The following CLIP1 variants were observed in gnomAD, a reference collection of about 807,000 sequenced individuals.
CLIP1 encodes CAP-Gly domain containing linker protein 1.
In CLIP1, 66 loss-of-function variants were observed where a neutral mutation model predicts 161.6. The ratio of observed to expected loss-of-function variants is 0.41; its 90% CI spans 0.33 to 0.50. The LOEUF is 0.50. Ranked by LOEUF, CLIP1 falls within the 20% of genes least tolerant of loss-of-function variation. CLIP1 has a pLI of 0.27. For synonymous variants in CLIP1, 598 were observed against 626.2 expected, an observed-to-expected ratio of 0.96 and a Z score of 0.67; for missense variants, 1,376 against 1,702.0, an observed-to-expected ratio of 0.81 and a Z score of 3.37.
chr12:122,289,814 T>TTC (rs1956025076), intron 20 of CLIP1, among the ~76,000 whole-genome samples: 3 of 151,246 alleles, frequency 2.0e-5, no homozygotes, highest in African/African-American at 7.3e-5. Flanking sequence ...TGTTTTTTTT[T>TTC]TTTTTTCTTT....
chr12:122,348,735 G>C (rs924686583), intron 9 of CLIP1, among the ~76,000 whole-genome samples: 3 of 152,014 alleles, frequency 2.0e-5, no homozygotes, highest in African/African-American at 4.8e-5. Flanking sequence ...TGTCAGTTAC[G>C]TGCAGTAATT....
intron 1 of CLIP1, among the ~76,000 whole-genome samples, chr12:122,397,017 G>A (rs1486797037): frequency 3.5e-5 from 5 of 142,968 alleles, no homozygotes; most frequent in South Asian, 2.2e-4. Context: ...GGGTGCAAGC[G>A]ATCCACCAAC....
chr12:122,352,849 CA>C (rs1414327154), intron 7 of CLIP1, 63 bp from the exon 8 acceptor site: 3 of 1,406,136 alleles, frequency 2.1e-6, no homozygotes, highest in Non-Finnish European at 3.0e-6. Flanking sequence ...TTTAAAAAAA[CA>C]AAACAAACAA....
intron 1 of CLIP1, among the ~76,000 whole-genome samples, chr12:122,413,754 A>C (rs1291328549): frequency 1.3e-5 from 2 of 152,184 alleles, no homozygotes. Flanking sequence ...AGATTTTGAA[A>C]GCATACTTTT....
chr12:122,319,707 T>C (rs1008603250), intron 17 of CLIP1, among the ~76,000 whole-genome samples: 3 of 152,230 alleles, frequency 2.0e-5, no homozygotes, highest in African/African-American at 7.2e-5. Flanking sequence ...AACATCCTTA[T>C]ATAGCTGAAT....
In CLIP1 at chr12:122,328,917, T is replaced by C. The variant is rs190001226; in HGVS notation, c.2868-491A>G. Among the ~76,000 whole-genome samples, 51 of 152,300 alleles carry C rather than the reference T, an allele frequency of 3.3e-4. No homozygotes were observed. In the East Asian group the frequency reaches 8.7e-3, roughly 26 times the overall value. On this transcript the variant is annotated intron_variant, in intron 15 of 25. Coordinates refer to ENST00000620786, the MANE Select transcript of CLIP1 (RefSeq NM_001247997.2). ...TAAAATGCTTTGCCTAAATAATCATTTTACCAGTTATGATAGTCACAAATA... is the reference window on the plus strand; with the variant it reads ...TAAAATGCTTTGCCTAAATAATCATCTTACCAGTTATGATAGTCACAAATA...
chr12:122,285,575 G>A (rs1447527058), intron 21 of CLIP1, among the ~76,000 whole-genome samples: 2 of 151,522 alleles, frequency 1.3e-5, no homozygotes, highest in Non-Finnish European at 2.9e-5. Flanking sequence ...CTGACCTCAA[G>A]TGATCCACCT....
rs1952104613 is a variant in CLIP1 at position 122,334,017 on chromosome 12, GTCT to G, written c.2710+7_2710+9del. The stretch of plus-strand genomic sequence containing the variant: ...TATTTAATGTTTAGTCACCAGAGAT[GTCT>G]TCTTACCTGCTAAGTTTTCTCTCAG... On this transcript the variant is annotated splice_region_variant and intron_variant, in intron 14 of 25. Transcript: ENST00000620786. The G allele has an allele frequency of 6.4e-7, 1 of 1,569,998 alleles. No individual in the cohort carries two copies. The highest frequency in any genetic ancestry group is 1.3e-5 in the African/African-American group (1 of 74,096).
intron 17 of CLIP1, among the ~76,000 whole-genome samples, chr12:122,325,717 C>G (rs1287534675): frequency 2.6e-5 from 4 of 152,064 alleles, no homozygotes; most frequent in Non-Finnish European, 5.9e-5. Context: ...GCAGTGGCAC[C>G]ATCTCAGCTC....
At position 122,278,212 on chromosome 12, in the gene CLIP1, T is replaced by C; in HGVS notation, c.3917-9A>G. ...CTGAGTGTCTGTATTACCTTATATTTGAGGAAAAAAAAAAAAAAACAAGTG... is the reference window on the plus strand; with the variant it reads ...CTGAGTGTCTGTATTACCTTATATTCGAGGAAAAAAAAAAAAAAACAAGTG... On this transcript the variant is annotated splice_polypyrimidine_tract_variant and intron_variant, in intron 23 of 25. Coordinates refer to ENST00000620786, the MANE Select transcript of CLIP1 (RefSeq NM_001247997.2). 1 of 1,479,124 alleles carries C rather than the reference T, an allele frequency of 6.8e-7. No individual in the cohort carries two copies. The highest frequency in any genetic ancestry group is 9.0e-7 in the Non-Finnish European group (1 of 1,116,802). 91.6% of individuals were successfully genotyped at this position (1,479,124 alleles called of 1,614,324 possible). A position where few individuals can be genotyped will look rare whatever the true frequency, so the allele number is the denominator to read the frequency against.
intron 20 of CLIP1, among the ~76,000 whole-genome samples, chr12:122,293,275 C>T (rs1320304967): frequency 6.6e-6 from 1 of 152,092 alleles, no homozygotes; most frequent in African/African-American, 2.4e-5. Flanking sequence ...TGAAACCACA[C>T]TGAGATACAC....
chr12:122,389,102 C>T (rs896398066), intron 1 of CLIP1, among the ~76,000 whole-genome samples: 2 of 152,184 alleles, frequency 1.3e-5, no homozygotes, highest in Non-Finnish European at 2.9e-5. Flanking sequence ...AGGGCAAACT[C>T]AGGCATTCAT....
intron 18 of CLIP1, among the ~76,000 whole-genome samples, chr12:122,318,860 C>T (rs527380776): frequency 3.9e-4 from 60 of 152,196 alleles, no homozygotes; most frequent in Non-Finnish European, 8.5e-4. Flanking sequence ...AAAAGGCCTA[C>T]ATCAGACTCA....
At chr12:122,294,328 CAAA>C (rs59785886) in intron 20 of CLIP1, among the ~76,000 whole-genome samples, 1 of 84,076 alleles carries the variant, frequency 1.2e-5, no homozygotes, top group African/African-American at 5.5e-5. Context: ...GACTCTGTCT[CAAA>C]AAAAAAAAAA....
chr12:122,422,786 GCGCCGCCC>G (rs200400958), upstream of CLIP1, among the ~76,000 whole-genome samples: 71,757 of 144,026 alleles, frequency 0.5, 20,768 homozygotes, highest in Non-Finnish European at 0.63. Flanking sequence ...GCCCGGCCCC[GCGCCGCCC>G]CGCCGCCTCT....
intron 25 of CLIP1, among the ~76,000 whole-genome samples, chr12:122,273,709 AT>A (rs1360039828): frequency 6.6e-6 from 1 of 151,968 alleles, no homozygotes; most frequent in Non-Finnish European, 1.5e-5. Context: ...AAACATATTT[AT>A]TTTGATGAAA....
intron 9 of CLIP1, among the ~76,000 whole-genome samples, chr12:122,349,179 C>A (rs998839634): frequency 5.9e-5 from 9 of 152,230 alleles, no homozygotes; most frequent in Non-Finnish European, 1.5e-5. Context: ...GGGGTCACAG[C>A]CTCAGGAGCT....
chr12:122,393,675 G>A (rs1955765545), intron 1 of CLIP1, among the ~76,000 whole-genome samples: 1 of 152,056 alleles, frequency 6.6e-6, no homozygotes, highest in Non-Finnish European at 1.5e-5. Context: ...ACTTTGGGAA[G>A]CTGAGGCAGA....
At chr12:122,367,759 C>T (rs2136662349) in intron 3 of CLIP1, among the ~76,000 whole-genome samples, 1 of 152,268 alleles carries the variant, frequency 6.6e-6, no homozygotes, top group South Asian at 2.1e-4. Context: ...TGGCTCATGC[C>T]TGTAATCCCA....
Sources: gnomAD v4.1 joint callset for allele counts (sites outside exome capture counted in the v4.1 genomes callset) on GRCh38, gnomAD v4.1.1 for gene constraint, MANE v1.5 for transcripts, NCBI Gene and HGNC (gene_info 2026-07-23, HGNC 2026-07-21) for gene names.